Variants in TFAP2D observed in about 807,000 individuals in gnomAD.
TFAP2D encodes the protein transcription factor AP-2 delta.
Under a neutral mutation model 43.6 loss-of-function variants are expected in TFAP2D, and 9 were observed. The observed-to-expected ratio is 0.21, with a 90% CI of 0.12 to 0.36. The LOEUF is 0.36. TFAP2D is among the 10% of genes least tolerant of loss of function. TFAP2D has a pLI of 1.00. For synonymous variants in TFAP2D, 256 were observed against 224.9 expected, an observed-to-expected ratio of 1.14 and a Z score of -1.24; for missense variants, 513 against 561.4, an observed-to-expected ratio of 0.91 and a Z score of 0.87.
intron 7 of TFAP2D, among the ~76,000 whole-genome samples, chr6:50,754,117 CA>C (rs1679898312): frequency 6.6e-6 from 1 of 151,816 alleles, no homozygotes; most frequent in African/African-American, 2.4e-5. Flanking sequence ...ACCCATTAAA[CA>C]ACTCCCATTC....
intron 7 of TFAP2D, among the ~76,000 whole-genome samples, chr6:50,761,600 G>A (rs1769365371): frequency 6.6e-6 from 1 of 152,012 alleles, no homozygotes; most frequent in Non-Finnish European, 1.5e-5. Context: ...TTCAGGAGAG[G>A]ATTCCATAGA....
rs1016390939 is a variant in TFAP2D, at chr6:50,753,823, T to A, written c.1139+2499T>A. On this transcript the variant is annotated intron_variant, in intron 7 of 7. Coordinates refer to ENST00000008391, the MANE Select transcript of TFAP2D (RefSeq NM_172238.4). Reference sequence around the variant, plus strand: ...TTTCCCATTTATTATGATTTTTAAATGTTTGCCAGAATTGTTATTTTTCTT... The same window carrying A: ...TTTCCCATTTATTATGATTTTTAAAAGTTTGCCAGAATTGTTATTTTTCTT... Among the ~76,000 whole-genome samples the A allele has an allele frequency of 1.3e-5, 2 of 151,892 alleles. 1 individual carries two copies. Among genetic ancestry groups the A allele is most frequent in the South Asian group, 4.1e-4 (2 of 4,828 alleles).
chr6:50,721,945 A>T (rs1768733288), intron 3 of TFAP2D, among the ~76,000 whole-genome samples: 1 of 152,204 alleles, frequency 6.6e-6, no homozygotes. Flanking sequence ...TTAATCAGGG[A>T]CATTGTCCTG....
At chr6:50,715,000 G>T (rs1228729822) in intron 1 of TFAP2D, 116 bp from the exon 2 acceptor site, 4 of 1,384,296 alleles carry the variant, frequency 2.9e-6, no homozygotes, top group African/African-American at 2.9e-5. Flanking sequence ...AGTCCTACGC[G>T]CTCGCTTTCC....
intron 3 of TFAP2D, among the ~76,000 whole-genome samples, chr6:50,720,847 C>G (rs945112992): frequency 6.6e-5 from 10 of 152,186 alleles, no homozygotes; most frequent in Non-Finnish European, 1.0e-4. Flanking sequence ...TCTCCCACAG[C>G]CGGCCTCTTG....
intron 7 of TFAP2D, among the ~76,000 whole-genome samples, chr6:50,752,395 T>A (rs1581773642): frequency 6.6e-6 from 1 of 151,892 alleles, no homozygotes; most frequent in Non-Finnish European, 1.5e-5. Context: ...TTTTAATGCC[T>A]ACATGATAGG....
chr6:50,770,682 C>A (rs192535788), intron 7 of TFAP2D, among the ~76,000 whole-genome samples: 1 of 152,084 alleles, frequency 6.6e-6, no homozygotes, highest in South Asian at 2.1e-4. Context: ...CCTTAAACCC[C>A]AAATCCTTCA....
chr6:50,723,018 A>T (rs1042762752), intron 3 of TFAP2D, among the ~76,000 whole-genome samples: 1 of 152,234 alleles, frequency 6.6e-6, no homozygotes, highest in African/African-American at 2.4e-5. Context: ...TGGCTACACA[A>T]AATACAAACT....
chr6:50,755,300 A>G (rs534664176), intron 7 of TFAP2D, among the ~76,000 whole-genome samples: 422 of 152,148 alleles, frequency 2.8e-3, no homozygotes, highest in Non-Finnish European at 5.0e-3. Flanking sequence ...TTATTTAAAA[A>G]GGCATCAACA....
chr6:50,745,397 C>A, intron 6 of TFAP2D, 149 bp downstream of exon 6: 1 of 1,152,582 alleles, frequency 8.7e-7, no homozygotes, highest in Non-Finnish European at 1.2e-6. Flanking sequence ...TAAACAAGGA[C>A]TTTCTACCCT....
chr6:50,720,099 G>A (rs897927420), intron 3 of TFAP2D, among the ~76,000 whole-genome samples: 1 of 152,144 alleles, frequency 6.6e-6, no homozygotes. Flanking sequence ...AACTTCATAC[G>A]AATTAATAAG....
chr6:50,723,292 G>A (rs1377677606), intron 3 of TFAP2D, among the ~76,000 whole-genome samples: 1 of 152,262 alleles, frequency 6.6e-6, no homozygotes, highest in African/African-American at 2.4e-5. Context: ...CTCAAGGCCG[G>A]CAGCAGGCTG....
chr6:50,735,495 C>A (rs1448931117), intron 5 of TFAP2D, among the ~76,000 whole-genome samples: 3 of 152,158 alleles, frequency 2.0e-5, no homozygotes, highest in African/African-American at 7.2e-5. Flanking sequence ...GTTTTTAAAA[C>A]CTGATGAACC....
chr6:50,715,653 C>G, intron 2 of TFAP2D, 40 bp downstream of exon 2: 3 of 1,542,830 alleles, frequency 1.9e-6, no homozygotes, highest in Non-Finnish European at 2.6e-6. Flanking sequence ...TCCCTCCCCT[C>G]TTCGCCCTCC....
chr6:50,772,727 T>C lies in TFAP2D; in HGVS notation c.1222T>C (p.Tyr408His). The change falls in exon 8 of 8, where the codon TAC (tyrosine) becomes CAC (histidine). Residue 408 changes from tyrosine to histidine, a missense_variant. Around this residue, in one of 3 missense-constraint regions of TFAP2D, gnomAD observed 199 missense variants for 227.9 expected, o/e 0.87. Coordinates refer to ENST00000008391, the MANE Select transcript of TFAP2D (RefSeq NM_172238.4). The part of the protein sequence containing the change: ...FQTVLSEMLN[Y>H]LEKHTTHKNG... ...AACAGTTCTCAGTGAAATGCTGAACTACTTGGAAAAACACACTACTCACAA... is the reference window on the plus strand; with the variant it reads ...AACAGTTCTCAGTGAAATGCTGAACCACTTGGAAAAACACACTACTCACAA... The C allele has an allele frequency of 6.2e-7, 1 of 1,614,148 alleles. No homozygotes were observed. The highest frequency in any genetic ancestry group is 8.5e-7 in the Non-Finnish European group (1 of 1,179,998).
intron 6 of TFAP2D, among the ~76,000 whole-genome samples, chr6:50,749,208 A>T (rs1472171377): frequency 6.6e-6 from 1 of 151,648 alleles, no homozygotes; most frequent in Non-Finnish European, 1.5e-5. Flanking sequence ...CTCCTGGTAG[A>T]TCCTCCTGTG....
intron 7 of TFAP2D, among the ~76,000 whole-genome samples, chr6:50,754,816 G>GTTA (rs570156732): frequency 1.9e-4 from 29 of 151,672 alleles, no homozygotes; most frequent in African/African-American, 6.5e-4. Context: ...TTTTGACCAG[G>GTTA]TTATTTTTTT....
In TFAP2D at chr6:50,752,932, G is replaced by A. The variant is rs557057859; in HGVS notation, c.1139+1608G>A. 1.5e-3 allele frequency among the ~76,000 whole-genome samples: 221 copies of A among 151,860 alleles called. 3 individuals are homozygous for A. The highest frequency in any genetic ancestry group is 5.2e-3 in the African/African-American group (215 of 41,464). On this transcript the variant is annotated intron_variant, in intron 7 of 7. Transcript: ENST00000008391. ...ATTTCCTCAGCTTCAAATGGGATAA[G>A]AGCCCCTTCATTATATGGTCATAGG...
intron 5 of TFAP2D, among the ~76,000 whole-genome samples, chr6:50,736,488 A>G (rs948772673): frequency 6.6e-6 from 1 of 151,776 alleles, no homozygotes; most frequent in Non-Finnish European, 1.5e-5. Flanking sequence ...CTAAAAACTT[A>G]ACATTTATCA....
Sources: gnomAD v4.1 joint callset for allele counts (sites outside exome capture counted in the v4.1 genomes callset) on GRCh38, gnomAD v4.1.1 for gene constraint, gnomAD v4.1.1 regional missense constraint, MANE v1.5 for transcripts, NCBI Gene and HGNC (gene_info 2026-07-23, HGNC 2026-07-21) for gene names.